NALF1: variants seen among roughly 807,000 people sequenced by gnomAD.
NALF1 encodes family with sequence similarity 155 member A.
NALF1 carries 3 observed loss-of-function variants against 48.4 expected under a neutral mutation model. The ratio of observed to expected loss-of-function variants is 0.06; its 90% CI spans 0.03 to 0.16. The LOEUF (loss-of-function observed/expected upper bound fraction) is 0.16, where lower values mean the gene tolerates loss of function less well. NALF1 is among the 10% of genes least tolerant of loss of function. The probability of loss-of-function intolerance (pLI) is 1.00; values close to 1 mark genes in which losing one functional copy is unlikely to be tolerated. For missense variants in NALF1, 526 were observed against 571.5 expected, an observed-to-expected ratio of 0.92 and a Z score of 0.81; for synonymous variants, 262 against 245.7, an observed-to-expected ratio of 1.07 and a Z score of -0.62.
intron 1 of NALF1, among the ~76,000 whole-genome samples, chr13:107,383,483 G>T (rs1883475284): frequency 2.6e-5 from 4 of 151,916 alleles, no homozygotes; most frequent in African/African-American, 9.7e-5. Flanking sequence ...GTATACCTAA[G>T]GTGCAAGATT....
intron 1 of NALF1, among the ~76,000 whole-genome samples, chr13:107,686,225 G>T (rs1363857673): frequency 6.6e-6 from 1 of 152,212 alleles, no homozygotes; most frequent in Non-Finnish European, 1.5e-5. Context: ...GAGACAGCAA[G>T]TGGGTGACAG....
intron 1 of NALF1, among the ~76,000 whole-genome samples, chr13:107,803,157 C>T (rs1156579073): frequency 6.6e-6 from 1 of 152,154 alleles, no homozygotes; most frequent in Non-Finnish European, 1.5e-5. Context: ...AGAAATGGCC[C>T]TGCCCTCTCT....
intron 2 of NALF1, among the ~76,000 whole-genome samples, chr13:107,183,734 A>G (rs1879114415): frequency 6.6e-6 from 1 of 152,160 alleles, no homozygotes; most frequent in Non-Finnish European, 1.5e-5. Context: ...ACAGCAAACT[A>G]ACACAGGACC....
intron 2 of NALF1, among the ~76,000 whole-genome samples, chr13:107,176,590 C>T (rs550269215): frequency 3.1e-4 from 47 of 151,394 alleles, no homozygotes; most frequent in African/African-American, 1.1e-3. Flanking sequence ...TGCAGTGAGC[C>T]GAGATGGCGC....
chr13:107,817,168 A>C (rs1451409490), intron 1 of NALF1, among the ~76,000 whole-genome samples: 2 of 152,232 alleles, frequency 1.3e-5, no homozygotes, highest in Non-Finnish European at 2.9e-5. Flanking sequence ...GACACAAATA[A>C]GTAAATAATG....
chr13:107,322,023 C>T (rs1488002146), intron 1 of NALF1, among the ~76,000 whole-genome samples: 1 of 152,078 alleles, frequency 6.6e-6, no homozygotes, highest in Non-Finnish European at 1.5e-5. Flanking sequence ...ATCATGGATA[C>T]AGAGTGTTTG....
chr13:107,586,876 G>T (rs1227737197), intron 1 of NALF1, among the ~76,000 whole-genome samples: 1 of 151,840 alleles, frequency 6.6e-6, no homozygotes, highest in Non-Finnish European at 1.5e-5. Context: ...AGGAGAAATA[G>T]TAAGTTATAA....
chr13:107,447,900 T>C (rs1310504288), intron 1 of NALF1, among the ~76,000 whole-genome samples: 1 of 152,188 alleles, frequency 6.6e-6, no homozygotes, highest in Non-Finnish European at 1.5e-5. Flanking sequence ...GGCTGGTCTA[T>C]ATCTTTGGAG....
chr13:107,604,600 A>G lies in NALF1; in HGVS notation c.915+261082T>C, dbSNP rs146111982. On this transcript the variant is annotated intron_variant, in intron 1 of 2. Transcript: ENST00000375915. ...GGCAAGTAAGAAAGTTATTCTCCAC[A>G]ATTAAGGCTGGAGAATTAAACATGA... Among the ~76,000 whole-genome samples, 68 of 152,320 alleles carry G rather than the reference A, an allele frequency of 4.5e-4. 1 individual carries two copies. Among genetic ancestry groups the G allele is most frequent in the African/African-American group, 1.3e-3 (56 of 41,570 alleles).
At chr13:107,521,147 T>C (rs746997816) in intron 1 of NALF1, among the ~76,000 whole-genome samples, 9 of 152,160 alleles carry the variant, frequency 5.9e-5, no homozygotes, top group Non-Finnish European at 1.3e-4. Context: ...ATCTTTAAAC[T>C]GCGATGTGAT....
chr13:107,292,997 T>C (rs1881654519), intron 1 of NALF1, among the ~76,000 whole-genome samples: 1 of 138,732 alleles, frequency 7.2e-6, no homozygotes, highest in African/African-American at 2.7e-5. Flanking sequence ...TTTTTCTTTT[T>C]TTTTTTTTTT....
At chr13:107,239,512 T>C (rs924747747) in intron 1 of NALF1, among the ~76,000 whole-genome samples, 1 of 152,202 alleles carries the variant, frequency 6.6e-6, no homozygotes, top group Non-Finnish European at 1.5e-5. Context: ...TCTACAAAGA[T>C]CCTATTTCCA....
intron 1 of NALF1, among the ~76,000 whole-genome samples, chr13:107,563,574 G>C (rs1311079051): frequency 6.6e-6 from 1 of 152,164 alleles, no homozygotes; most frequent in Non-Finnish European, 1.5e-5. Flanking sequence ...TGATTTTGTA[G>C]AAAAGATTGT....
chr13:107,711,681 AG>A (rs1374716369), intron 1 of NALF1, among the ~76,000 whole-genome samples: 2 of 152,350 alleles, frequency 1.3e-5, no homozygotes, highest in African/African-American at 2.4e-5. Context: ...GTGTTCCATA[AG>A]GTCTGTGTGG....
At chr13:107,822,686 G>A (rs895451918) in intron 1 of NALF1, among the ~76,000 whole-genome samples, 15 of 152,124 alleles carry the variant, frequency 9.9e-5, no homozygotes, top group African/African-American at 3.1e-4. Flanking sequence ...CCTACTTCAC[G>A]TTTCTTTTTA....
At chr13:107,473,830 C>T (rs1461117655) in intron 1 of NALF1, among the ~76,000 whole-genome samples, 1 of 152,166 alleles carries the variant, frequency 6.6e-6, no homozygotes, top group African/African-American at 2.4e-5. Flanking sequence ...AACAAAAGTG[C>T]GACTTCTCCC....
intron 1 of NALF1, among the ~76,000 whole-genome samples, chr13:107,546,966 T>C (rs1441329873): frequency 6.6e-6 from 1 of 152,236 alleles, no homozygotes; most frequent in Non-Finnish European, 1.5e-5. Flanking sequence ...GTGACCATTA[T>C]GGAGTCACCT....
chr13:107,782,060 G>C (rs931878862), intron 1 of NALF1, among the ~76,000 whole-genome samples: 2 of 151,712 alleles, frequency 1.3e-5, no homozygotes. Flanking sequence ...CTCTCCCCAC[G>C]GTCTCCCTCT....
chr13:107,817,052 G>C (rs1879188443), intron 1 of NALF1, among the ~76,000 whole-genome samples: 1 of 152,096 alleles, frequency 6.6e-6, no homozygotes, highest in Non-Finnish European at 1.5e-5. Context: ...AAGAGACTGA[G>C]CAAAAGTGAG....
Sources: gnomAD v4.1 joint callset for allele counts (sites outside exome capture counted in the v4.1 genomes callset) on GRCh38, gnomAD v4.1.1 for gene constraint, MANE v1.5 for transcripts, NCBI Gene and HGNC (gene_info 2026-07-23, HGNC 2026-07-21) for gene names.